Variants in CACNA1G observed in about 807,000 individuals in gnomAD.
CACNA1G encodes the protein calcium voltage-gated channel subunit alpha1 G, also known as voltage-dependent T-type calcium channel subunit alpha-1G.
A neutral mutation model predicts 219.4 loss-of-function variants in CACNA1G; 67 were observed. The observed-to-expected ratio is 0.31, with a 90% CI of 0.25 to 0.37. The LOEUF is 0.37. CACNA1G is among the 10% of genes least tolerant of loss of function. CACNA1G has a pLI of 1.00. For synonymous variants in CACNA1G, 1,296 were observed against 1,345.3 expected (o/e 0.96, Z 0.80); for missense variants, 2,380 against 3,231.4 (o/e 0.74, Z 6.39).
rs1328055189 is a variant in CACNA1G at position 50,560,801 on chromosome 17, G to C, written c.-659G>C. Among the ~76,000 whole-genome samples the C allele has an allele frequency of 6.6e-6, 1 of 152,116 alleles. No homozygotes were observed. ...GGCTGTGGCGCCGGCGACAGCTACGGCAGCGGCAGCCACCGCGGCGGCTGC... is the reference window on the plus strand; with the variant it reads ...GGCTGTGGCGCCGGCGACAGCTACGCCAGCGGCAGCCACCGCGGCGGCTGC... On this transcript the variant is annotated 5_prime_UTR_variant, in exon 1 of 38. Transcript: ENST00000359106.
At chr17:50,565,470 G>T (rs1166940327) in intron 1 of CACNA1G, among the ~76,000 whole-genome samples, 1 of 151,990 alleles carries the variant, frequency 6.6e-6, no homozygotes, top group African/African-American at 2.4e-5. Context: ...AGGGGTTGCC[G>T]AATCCGATAG....
rs773332530 is a variant in CACNA1G, at chr17:50,626,262, AGAGTTGGACACG to A, written c.6649_6660del (p.Asp2218_Leu2221del). 38 of 1,613,578 alleles carry A rather than the reference AGAGTTGGACACG, an allele frequency of 2.4e-5. No homozygotes were observed. The highest frequency in any genetic ancestry group is 3.0e-5 in the Non-Finnish European group (35 of 1,179,864). On this transcript the variant is annotated inframe_deletion, in exon 38 of 38. Coordinates refer to ENST00000359106, the MANE Select transcript of CACNA1G (RefSeq NM_018896.5). The surrounding 1 kb of genome is among the most constrained non-coding windows in gnomAD (Gnocchi z 4.3). ...GCCCTCCAGAGACCAGAAGCAGCTT[AGAGTTGGACACG>A]GAGCTGAGCTGGATTTCAGGAGACC...
intron 26 of CACNA1G, 130 bp from the exon 27 acceptor site, chr17:50,615,231 C>T (rs531614986): frequency 3.1e-4 from 283 of 919,196 alleles, no homozygotes; most frequent in Middle Eastern, 1.1e-3. Flanking sequence ...GTGGGGAGGG[C>T]GAGGATGGTG....
chr17:50,602,350 G>A (rs1214136538), intron 19 of CACNA1G, among the ~76,000 whole-genome samples: 1 of 152,234 alleles, frequency 6.6e-6, no homozygotes, highest in Non-Finnish European at 1.5e-5. Flanking sequence ...CCCAGCCTGT[G>A]CCTGGGGGTG....
chr17:50,592,360 C>A (rs922567984), intron 13 of CACNA1G, among the ~76,000 whole-genome samples: 4 of 152,178 alleles, frequency 2.6e-5, no homozygotes, highest in Non-Finnish European at 5.9e-5. Context: ...GTTGGCTAGA[C>A]CCCTTCCCCA....
intron 26 of CACNA1G, among the ~76,000 whole-genome samples, chr17:50,613,373 G>A (rs569058338): frequency 3.9e-5 from 6 of 152,268 alleles, no homozygotes; most frequent in South Asian, 2.1e-4. Flanking sequence ...CTCAGGGGCC[G>A]GGACCTGTCT....
intron 9 of CACNA1G, among the ~76,000 whole-genome samples, chr17:50,583,980 C>T (rs543834241): frequency 6.6e-6 from 1 of 152,258 alleles, no homozygotes; most frequent in Non-Finnish European, 1.5e-5. Flanking sequence ...CTGGCAGGTT[C>T]TCTGGGCCGG....
Position 50,617,381 on chromosome 17 carries a change from C to A in CACNA1G, c.5022-57C>A. 4 of 1,565,346 alleles carry A rather than the reference C, an allele frequency of 2.6e-6. No individual in the cohort carries two copies. Among genetic ancestry groups the A allele is most frequent in the Non-Finnish European group, 3.5e-6 (4 of 1,149,900 alleles). ...CCCTGTCTTTCTGTGCCACGACTGCCCCCTCCTTCAGGAACCCCCTCCCCC... is the reference window on the plus strand; with the variant it reads ...CCCTGTCTTTCTGTGCCACGACTGCACCCTCCTTCAGGAACCCCCTCCCCC... On this transcript the variant is annotated intron_variant, in intron 28 of 37. Coordinates refer to ENST00000359106, the MANE Select transcript of CACNA1G (RefSeq NM_018896.5). The surrounding 1 kb of genome is among the most constrained non-coding windows in gnomAD (Gnocchi z 5.8).
At chr17:50,562,668 G>A (rs918219400) in intron 1 of CACNA1G, among the ~76,000 whole-genome samples, 1 of 152,156 alleles carries the variant, frequency 6.6e-6, no homozygotes. Flanking sequence ...CCAGGTATGG[G>A]GGACTGCAGG....
rs779227480 is a variant in CACNA1G, at chr17:50,609,868, T to G, written c.4706-14T>G. ...GGTCCGGCCAGTGACCAATGTCGTG[T>G]TTCGTTCTTTTAGATCTAATGCTGG... On this transcript the variant is annotated splice_polypyrimidine_tract_variant and intron_variant, in intron 25 of 37. Transcript: ENST00000359106. 6.2e-7 allele frequency: 1 copy of G among 1,610,426 alleles called. No individual in the cohort carries two copies. The highest frequency in any genetic ancestry group is 1.3e-5 in the African/African-American group (1 of 74,928).
chr17:50,608,544 A>G (rs2048454058), intron 25 of CACNA1G, among the ~76,000 whole-genome samples: 3 of 150,678 alleles, frequency 2.0e-5, no homozygotes, highest in Admixed American at 6.6e-5. Context: ...ATATATATAT[A>G]TATATTTCTG....
rs1188561687 is a variant in CACNA1G, at chr17:50,600,528, G to C, written c.3691-198G>C. 6.6e-6 allele frequency among the ~76,000 whole-genome samples: 1 copy of C among 152,000 alleles called. No homozygotes were observed. Among genetic ancestry groups the C allele is most frequent in the Non-Finnish European group, 1.5e-5 (1 of 67,988 alleles). ...AGGTGGAGAGGCAAGGGGTCCTCAG[G>C]GATGGGGAGGGGGCCTGGCAAGGTT... On this transcript the variant is annotated intron_variant, in intron 17 of 37. Transcript: ENST00000359106. This position sits in a 1 kb window ranked among gnomAD's most constrained non-coding sequence, Gnocchi z 4.1.
intron 26 of CACNA1G, among the ~76,000 whole-genome samples, chr17:50,611,988 G>A (rs577080211): frequency 2.0e-4 from 31 of 152,350 alleles, no homozygotes; most frequent in Admixed American, 5.2e-4. Context: ...GGCTGTTGGT[G>A]AGGACTCAGA....
In CACNA1G at chr17:50,616,849, C is replaced by CGTTTT. The variant is rs201576616; in HGVS notation, c.5021+486_5021+490dup. ...CCTATTTGGTTTTGAGGGTGTTTTT[C>CGTTTT]GTTTTGTTTTGTTTTGTTTTGTTTT... On this transcript the variant is annotated intron_variant, in intron 28 of 37. Transcript: ENST00000359106. Among the ~76,000 whole-genome samples the CGTTTT allele has an allele frequency of 5.5e-3, 829 of 152,040 alleles. 2 individuals are homozygous for CGTTTT. Among genetic ancestry groups the CGTTTT allele is most frequent in the Non-Finnish European group, 8.2e-3 (557 of 67,970 alleles).
Position 50,626,181 on chromosome 17 carries a change from C to T in CACNA1G, c.6564C>T (p.Ser2188=). The T allele has an allele frequency of 6.2e-7, 1 of 1,613,906 alleles. No individual in the cohort carries two copies. The highest frequency in any genetic ancestry group is 8.5e-7 in the Non-Finnish European group (1 of 1,179,858). The part of the protein sequence containing the change: ...QQHSRSHSKI[S]KHMTPPAPCP... ...ACTCCCGCAGCCACAGCAAGATCTC[C>T]AAGCACATGACCCCGCCAGCCCCTT... is the stretch of plus-strand genomic sequence containing the variant. The change falls in exon 38 of 38, where the codon TCC becomes TCT. Residue 2188 remains serine, a synonymous_variant. Transcript: ENST00000359106. The surrounding 1 kb of genome is among the most constrained non-coding windows in gnomAD (Gnocchi z 4.3).
chr17:50,601,017 C>T (rs369969761), intron 18 of CACNA1G, 34 bp from the exon 19 acceptor site: 10 of 1,607,630 alleles, frequency 6.2e-6, no homozygotes, highest in Admixed American at 1.7e-5. Context: ...TGCCCTGCCT[C>T]CCCCTCTCAG....
intron 23 of CACNA1G, chr17:50,606,550 C>T (rs2048006535): frequency 1.8e-6 from 1 of 549,996 alleles, no homozygotes; most frequent in Non-Finnish European, 3.2e-6. Flanking sequence ...AATTCCTTTC[C>T]TCACTCCATA....
intron 14 of CACNA1G, 94 bp downstream of exon 14, chr17:50,595,155 C>A: frequency 1.1e-6 from 1 of 903,506 alleles, no homozygotes. Context: ...GTTCACGCTC[C>A]GCTGCTGTGC....
At chr17:50,576,573 G>A (rs1184034177) in intron 8 of CACNA1G, among the ~76,000 whole-genome samples, 1 of 152,234 alleles carries the variant, frequency 6.6e-6, no homozygotes, top group South Asian at 2.1e-4. Context: ...CCTGCTTCGT[G>A]CTGTTTGCAA....
Sources: gnomAD v4.1 joint callset for allele counts (sites outside exome capture counted in the v4.1 genomes callset) on GRCh38, gnomAD v4.1.1 for gene constraint, Gnocchi (gnomAD v3.1) non-coding constraint, MANE v1.5 for transcripts, NCBI Gene and HGNC (gene_info 2026-07-23, HGNC 2026-07-21) for gene names.